FMN2: variants seen among roughly 807,000 people sequenced by gnomAD.
FMN2 encodes formin 2.
Under a neutral mutation model 142.3 loss-of-function variants are expected in FMN2, and 51 were observed. That is an observed-to-expected ratio of 0.36 (90% CI 0.29 to 0.45). The LOEUF is 0.45. Ranked by LOEUF, FMN2 falls within the 20% of genes least tolerant of loss-of-function variation. FMN2 has a pLI of 1.00. For missense variants in FMN2, 1,936 were observed against 2,122.8 expected (o/e 0.91, Z 1.73); for synonymous variants, 882 against 869.8 (o/e 1.01, Z -0.25).
chr1:240,152,964 T>TGTTACAGA (rs1663848698), intron 2 of FMN2, among the ~76,000 whole-genome samples: 1 of 152,190 alleles, frequency 6.6e-6, no homozygotes, highest in Non-Finnish European at 1.5e-5. Context: ...AGTTACTTAT[T>TGTTACAGA]TGAGACTTAG....
chr1:240,474,004 A>G (rs907073718), intron 17 of FMN2, 124 bp from the exon 18 acceptor site: 13 of 747,776 alleles, frequency 1.7e-5, no homozygotes, highest in Middle Eastern at 3.6e-4. Context: ...GGACTGGTAG[A>G]CCTTTAACCT....
At chr1:240,281,491 A>G (rs1669394695) in intron 7 of FMN2, among the ~76,000 whole-genome samples, 1 of 152,168 alleles carries the variant, frequency 6.6e-6, no homozygotes, top group Non-Finnish European at 1.5e-5. Context: ...AGGGCGGACA[A>G]GAGTACCTAG....
intron 15 of FMN2, among the ~76,000 whole-genome samples, chr1:240,403,189 GACAA>G (rs949078271): frequency 8.5e-5 from 13 of 152,200 alleles, no homozygotes; most frequent in East Asian, 1.9e-4. Context: ...TGTGAGTAAT[GACAA>G]ACAAAGTAAT....
At chr1:240,472,103 C>T (rs904170961) in intron 16 of FMN2, 1 of 335,940 alleles carries the variant, frequency 3.0e-6, no homozygotes, top group South Asian at 5.0e-5. Context: ...AATGCATACA[C>T]ACTCTGCATA....
intron 7 of FMN2, among the ~76,000 whole-genome samples, chr1:240,280,647 G>A (rs1186545243): frequency 6.6e-6 from 1 of 152,090 alleles, no homozygotes; most frequent in Non-Finnish European, 1.5e-5. Context: ...TGCAGTGCTG[G>A]TTTACGGAAA....
At chr1:240,147,444 T>G (rs145819535) in intron 2 of FMN2, among the ~76,000 whole-genome samples, 2 of 152,266 alleles carry the variant, frequency 1.3e-5, no homozygotes, top group Non-Finnish European at 2.9e-5. Flanking sequence ...CTAATTAGTC[T>G]CCATGGGTCC....
intron 7 of FMN2, among the ~76,000 whole-genome samples, chr1:240,289,344 C>G (rs1468192381): frequency 1.3e-5 from 2 of 151,982 alleles, no homozygotes; most frequent in Non-Finnish European, 2.9e-5. Context: ...TAAAATGTTG[C>G]ATTCAACAAG....
intron 16 of FMN2, among the ~76,000 whole-genome samples, chr1:240,470,127 T>C (rs1446326025): frequency 1.3e-5 from 2 of 152,066 alleles, no homozygotes; most frequent in African/African-American, 4.8e-5. Context: ...GTAAAGTACA[T>C]TTTATTGGAA....
intron 7 of FMN2, among the ~76,000 whole-genome samples, chr1:240,286,919 G>T (rs1205808928): frequency 6.6e-6 from 1 of 152,116 alleles, no homozygotes; most frequent in Non-Finnish European, 1.5e-5. Flanking sequence ...TTATTGTGGT[G>T]TAATTGTTGT....
intron 2 of FMN2, among the ~76,000 whole-genome samples, chr1:240,176,858 G>A (rs1664939609): frequency 6.6e-6 from 1 of 152,168 alleles, no homozygotes; most frequent in Non-Finnish European, 1.5e-5. Context: ...TAGGACCAAT[G>A]ACTGTCCCTA....
At chr1:240,335,312 C>G (rs1041376809) in intron 13 of FMN2, among the ~76,000 whole-genome samples, 1 of 152,130 alleles carries the variant, frequency 6.6e-6, no homozygotes, top group Admixed American at 6.5e-5. Flanking sequence ...TGCTCATTGA[C>G]TGAGGCCAAG....
chr1:240,335,882 AC>A (rs1467659753), intron 13 of FMN2, among the ~76,000 whole-genome samples: 2 of 151,884 alleles, frequency 1.3e-5, no homozygotes, highest in African/African-American at 4.8e-5. Context: ...GGTGGCTCAC[AC>A]CTGTAATCCC....
intron 2 of FMN2, chr1:240,171,274 C>T (rs1320043634): frequency 9.4e-6 from 7 of 746,342 alleles, no homozygotes; most frequent in Admixed American, 1.8e-5. Flanking sequence ...AAAAAGCATT[C>T]GAACTGTTGT....
intron 3 of FMN2, among the ~76,000 whole-genome samples, chr1:240,187,274 A>G (rs1665511941): frequency 1.1e-5 from 1 of 88,904 alleles, no homozygotes; most frequent in Non-Finnish European, 2.4e-5. Flanking sequence ...CATCTCAAAA[A>G]AAAAAAAAAA....
At chr1:240,096,952 T>A (rs772931899) in intron 1 of FMN2, among the ~76,000 whole-genome samples, 70 of 152,218 alleles carry the variant, frequency 4.6e-4, no homozygotes, top group Non-Finnish European at 8.7e-4. Flanking sequence ...TTGAAATACA[T>A]CTTTTTCAGT....
At chr1:240,355,988 C>G (rs1198371418) in intron 14 of FMN2, 80 bp downstream of exon 14, 6 of 583,134 alleles carry the variant, frequency 1.0e-5, no homozygotes, top group Admixed American at 8.3e-5. Context: ...AAAAAAAAAG[C>G]TACAAGGCAT....
At chr1:240,470,385 A>T (rs907996537) in intron 16 of FMN2, among the ~76,000 whole-genome samples, 1 of 152,170 alleles carries the variant, frequency 6.6e-6, no homozygotes, top group Non-Finnish European at 1.5e-5. Flanking sequence ...CTTGGGTGAA[A>T]AGTAATAAAA....
intron 6 of FMN2, among the ~76,000 whole-genome samples, chr1:240,240,401 A>G (rs1452493992): frequency 6.6e-6 from 1 of 152,236 alleles, no homozygotes; most frequent in Admixed American, 6.5e-5. Flanking sequence ...CTCTGAATAC[A>G]TACTTGCTAC....
rs1231655305 is a variant in FMN2 at position 240,208,605 on chromosome 1, C to G, written c.3793C>G (p.Pro1265Ala). 2.5e-6 allele frequency: 4 copies of G among 1,613,808 alleles called. No individual in the cohort carries two copies. In the African/African-American group the frequency reaches 4.0e-5, roughly 16 times the overall value. The change falls in exon 5 of 18, where the codon CCT (proline) becomes GCT (alanine). Residue 1265 changes from proline to alanine, a missense_variant. Coordinates refer to ENST00000319653, the MANE Select transcript of FMN2 (RefSeq NM_020066.5). ...PTPQVCGFLP[P>A]PLPSGLFGLG... Reference sequence around the variant, plus strand: ...CCCACAGGTGTGTGGATTTCTTCCTCCTCCATTGCCAAGTGGCTTGTTTGG... The same window carrying G: ...CCCACAGGTGTGTGGATTTCTTCCTGCTCCATTGCCAAGTGGCTTGTTTGG...
Sources: allele counts gnomAD v4.1 joint callset (sites outside exome capture counted in the v4.1 genomes callset), GRCh38; gene constraint gnomAD v4.1.1; transcripts MANE v1.5; gene names NCBI Gene and HGNC (gene_info 2026-07-23, HGNC 2026-07-21).